Variants in DAB1 observed in about 807,000 individuals in gnomAD.
DAB1 encodes disabled homolog 1.
In DAB1, 15 loss-of-function variants were observed where a neutral mutation model predicts 64.6. That is an observed-to-expected ratio of 0.23 (90% CI 0.16 to 0.36). The LOEUF (loss-of-function observed/expected upper bound fraction) is 0.36, where lower values mean the gene tolerates loss of function less well. Among genes scored for constraint, DAB1 ranks in the 10% least tolerant of loss-of-function variants. The pLI, the probability that DAB1 is intolerant of heterozygous loss-of-function variation, is 1.00. For synonymous variants in DAB1, 235 were observed against 251.9 expected, an observed-to-expected ratio of 0.93 and a Z score of 0.64; for missense variants, 596 against 706.7, an observed-to-expected ratio of 0.84 and a Z score of 1.78.
intron 9 of DAB1, among the ~76,000 whole-genome samples, chr1:57,036,742 A>G (rs112233520): frequency 1.3e-5 from 2 of 152,232 alleles, no homozygotes; most frequent in African/African-American, 4.8e-5. Context: ...GTGAGGAAAT[A>G]TAAAAGAAGA....
intron 1 of DAB1, chr1:57,865,061 T>G (rs574278886): frequency 3.7e-4 from 56 of 152,280 alleles, no homozygotes; most frequent in Admixed American, 3.7e-3. Context: ...TGCCAAATGG[T>G]GATTCAGGGA....
intron 3 of DAB1, among the ~76,000 whole-genome samples, chr1:58,353,849 G>A (rs1569675160): frequency 6.6e-6 from 1 of 152,182 alleles, no homozygotes; most frequent in African/African-American, 2.4e-5. Flanking sequence ...GTTTCATTTA[G>A]TTAAGTAAAT....
At chr1:57,553,458 A>AAGAAAGAAAGAGAGAG (rs1458260279) in intron 7 of DAB1, among the ~76,000 whole-genome samples, 2 of 132,234 alleles carry the variant, frequency 1.5e-5, no homozygotes, top group Admixed American at 1.6e-4. Flanking sequence ...GAAAGAAAGA[A>AAGAAAGAAAGAGAGAG]AGAGAAAGGG....
At chr1:57,150,987 C>T (rs1054801585) in intron 2 of DAB1, among the ~76,000 whole-genome samples, 9 of 152,080 alleles carry the variant, frequency 5.9e-5, no homozygotes, top group Non-Finnish European at 2.9e-5. Context: ...AAAACCCTGT[C>T]TCAAAAGAAA....
At chr1:57,418,474 C>T (rs1403143970) in intron 1 of DAB1, among the ~76,000 whole-genome samples, 1 of 152,126 alleles carries the variant, frequency 6.6e-6, no homozygotes, top group Non-Finnish European at 1.5e-5. Flanking sequence ...CAATATGAAG[C>T]TCGGAGCAGA....
chr1:57,003,985 T>C (rs745562387), intron 14 of DAB1, among the ~76,000 whole-genome samples: 2 of 152,230 alleles, frequency 1.3e-5, no homozygotes, highest in Non-Finnish European at 2.9e-5. Context: ...TAGAGTTTCA[T>C]GTAAACATAC....
At chr1:58,438,687 C>T (rs1644972303) in intron 3 of DAB1, among the ~76,000 whole-genome samples, 1 of 152,222 alleles carries the variant, frequency 6.6e-6, no homozygotes, top group Non-Finnish European at 1.5e-5. Flanking sequence ...TGGACATTCA[C>T]ATGCTCCTCA....
intron 6 of DAB1, among the ~76,000 whole-genome samples, chr1:57,728,729 A>G (rs2101769987): frequency 6.6e-6 from 1 of 152,332 alleles, no homozygotes; most frequent in East Asian, 1.9e-4. Context: ...TGTTGTGGGA[A>G]AACTATTTTC....
At chr1:57,128,151 A>AT (rs1657314336) in intron 4 of DAB1, among the ~76,000 whole-genome samples, 2 of 123,410 alleles carry the variant, frequency 1.6e-5, no homozygotes, top group South Asian at 5.4e-4. Flanking sequence ...CTCAAAAAAT[A>AT]AAAATAAATA....
At chr1:58,118,521 C>CAT (rs1553161126) in intron 5 of DAB1, among the ~76,000 whole-genome samples, 8 of 98,952 alleles carry the variant, frequency 8.1e-5, no homozygotes, top group Non-Finnish European at 1.6e-4. Flanking sequence ...CACACACACA[C>CAT]ATATATATAT....
At chr1:57,453,988 A>G (rs1194275430) in intron 7 of DAB1, among the ~76,000 whole-genome samples, 2 of 152,276 alleles carry the variant, frequency 1.3e-5, no homozygotes, top group East Asian at 3.9e-4. Context: ...AGACTCTTTC[A>G]CAAGTATTTC....
At chr1:58,047,996 C>T in intron 5 of DAB1, 1 of 584,724 alleles carries the variant, frequency 1.7e-6, no homozygotes. Context: ...TACAATTAGT[C>T]ACAAATATAG....
chr1:58,370,380 T>C (rs113576319), intron 3 of DAB1, among the ~76,000 whole-genome samples: 18 of 36,126 alleles, frequency 5.0e-4, no homozygotes, highest in African/African-American at 3.1e-3. Flanking sequence ...TGTGCGTGTG[T>C]GTGTGTGTGT....
intron 5 of DAB1, among the ~76,000 whole-genome samples, chr1:58,111,057 GCTTT>G (rs1156831541): frequency 2.6e-5 from 4 of 152,222 alleles, no homozygotes; most frequent in Non-Finnish European, 5.9e-5. Flanking sequence ...GCAGCAGAAT[GCTTT>G]CTTTGTGCAG....
At chr1:57,762,770 C>G (rs530575530) in intron 6 of DAB1, among the ~76,000 whole-genome samples, 2 of 152,190 alleles carry the variant, frequency 1.3e-5, no homozygotes, top group Non-Finnish European at 2.9e-5. Flanking sequence ...GAAACCACGA[C>G]CTTCTCTAGA....
chr1:58,092,033 G>A (rs1259226937), intron 5 of DAB1, among the ~76,000 whole-genome samples: 2 of 151,770 alleles, frequency 1.3e-5, no homozygotes, highest in East Asian at 3.9e-4. Flanking sequence ...CCAAGATTGG[G>A]TAATTAAAAA....
chr1:57,136,204 C>T (rs535852182), intron 4 of DAB1, among the ~76,000 whole-genome samples: 35 of 152,014 alleles, frequency 2.3e-4, no homozygotes, highest in Admixed American at 1.8e-3. Flanking sequence ...ATGTATCTCC[C>T]TCTAGGACGT....
chr1:58,013,698 A>C (rs2100435637), intron 5 of DAB1, among the ~76,000 whole-genome samples: 1 of 152,238 alleles, frequency 6.6e-6, no homozygotes, highest in East Asian at 1.9e-4. Flanking sequence ...GAATAATATG[A>C]ATAATAACCA....
chr1:58,422,551 G>A (rs1466734044), intron 3 of DAB1, among the ~76,000 whole-genome samples: 2 of 151,676 alleles, frequency 1.3e-5, no homozygotes, highest in African/African-American at 2.4e-5. Flanking sequence ...CACCTTCATG[G>A]TCACGGTCAG....
Sources: gnomAD v4.1 joint callset for allele counts (sites outside exome capture counted in the v4.1 genomes callset) on GRCh38, gnomAD v4.1.1 for gene constraint, MANE v1.5 for transcripts, NCBI Gene and HGNC (gene_info 2026-07-23, HGNC 2026-07-21) for gene names.